Variants in DNAH8 observed in about 807,000 individuals in gnomAD.
The protein encoded by DNAH8 is axonemal beta dynein heavy chain 8.
In DNAH8, 382 loss-of-function variants were observed where a neutral mutation model predicts 562.1. That is an observed-to-expected ratio of 0.68 (90% CI 0.63 to 0.74). The LOEUF (loss-of-function observed/expected upper bound fraction) is 0.74. DNAH8 is among the 30% of genes least tolerant of loss of function. The pLI, the probability that DNAH8 is intolerant of heterozygous loss-of-function variation, is 0.00. For missense variants in DNAH8, 5,203 were observed against 5,620.4 expected (o/e 0.93, Z 2.37); for synonymous variants, 1,881 against 1,919.4 (o/e 0.98, Z 0.52).
rs113442210 is a variant in DNAH8, at chr6:38,767,010, G to T, written c.1618-3403G>T. Among the ~76,000 whole-genome samples the T allele has an allele frequency of 8.4e-4, 128 of 152,144 alleles. 1 individual carries two copies. The highest frequency in any genetic ancestry group is 2.9e-3 in the African/African-American group (122 of 41,522). The stretch of plus-strand genomic sequence containing the variant: ...AAAATTTTTAATTATGATAAAAATA[G>T]CATAAAATTTACTATTTTAACCATA... On this transcript the variant is annotated intron_variant, in intron 11 of 92. Transcript: ENST00000327475.
intron 42 of DNAH8, among the ~76,000 whole-genome samples, chr6:38,857,976 A>C (rs1244861979): frequency 6.6e-6 from 1 of 152,218 alleles, no homozygotes; most frequent in Non-Finnish European, 1.5e-5. Flanking sequence ...GAGCCAGCTA[A>C]TTGTTCCATT....
intron 76 of DNAH8, among the ~76,000 whole-genome samples, chr6:38,932,330 G>A (rs1012940609): frequency 3.3e-5 from 5 of 151,978 alleles, no homozygotes; most frequent in Admixed American, 2.0e-4. Flanking sequence ...GAGAGAAAAA[G>A]AAATTCCTCT....
rs1583364839 is a variant in DNAH8 at position 38,923,655 on chromosome 6, G to A, written c.10791-336G>A. 7 of 231,660 alleles carry A rather than the reference G, an allele frequency of 3.0e-5. No homozygotes were observed. The East Asian group carries it at 6.2e-4, about 20-fold the overall frequency. 14.4% of individuals were successfully genotyped at this position (231,660 alleles called of 1,614,324 possible). A position where few individuals can be genotyped will look rare whatever the true frequency, so the allele number is the denominator to read the frequency against. The stretch of plus-strand genomic sequence containing the variant: ...AAAAATAAAAAAATAAAAAGGGAGG[G>A]GAAAGAAAAAATGGTTTAACACAAG... On this transcript the variant is annotated intron_variant, in intron 72 of 92. Transcript: ENST00000327475.
chr6:38,782,289 T>C (rs1486989573), intron 16 of DNAH8, among the ~76,000 whole-genome samples: 1 of 151,654 alleles, frequency 6.6e-6, no homozygotes, highest in Non-Finnish European at 1.5e-5. Flanking sequence ...ATTTATTTAT[T>C]TATTTATTTA....
intron 88 of DNAH8, among the ~76,000 whole-genome samples, chr6:38,992,675 CT>C (rs761034979): frequency 1.4e-5 from 2 of 140,674 alleles, no homozygotes; most frequent in Non-Finnish European, 3.2e-5. Context: ...CCATTTCACC[CT>C]CACCCAGGGT....
chr6:38,856,588 G>A (rs749574009), intron 41 of DNAH8, among the ~76,000 whole-genome samples: 26 of 152,014 alleles, frequency 1.7e-4, no homozygotes, highest in Admixed American at 6.6e-4. Flanking sequence ...GACACTGCTT[G>A]TTTTCTCCAG....
intron 63 of DNAH8, 119 bp from the exon 64 acceptor site, chr6:38,907,837 G>T (rs1308958096): frequency 2.1e-5 from 19 of 887,304 alleles, no homozygotes; most frequent in Non-Finnish European, 3.0e-5. Context: ...CTGTGGAGAT[G>T]CTGAAAGAAA....
chr6:38,777,836 C>A (rs1017683746), intron 13 of DNAH8, among the ~76,000 whole-genome samples: 4 of 152,148 alleles, frequency 2.6e-5, no homozygotes, highest in Non-Finnish European at 5.9e-5. Context: ...TCTGCTGGCC[C>A]TGGTGTCTAT....
At position 38,884,010 on chromosome 6, in the gene DNAH8, A is replaced by T. The variant is rs188009638; in HGVS notation, c.8259+12A>T. 8.9e-4 allele frequency: 1,338 copies of T among 1,507,956 alleles called. 14 individuals are homozygous for T. In the African/African-American group the frequency reaches 0.017, roughly 19 times the overall value. The allele number at this position is 1,507,956 out of a possible 1,614,324, so 93.4% of individuals were successfully genotyped here. On this transcript the variant is annotated intron_variant, in intron 56 of 92. Coordinates refer to ENST00000327475, the MANE Select transcript of DNAH8 (RefSeq NM_001206927.2). ...AGTGGGGAGATCAGGTATGGCTGAA[A>T]TATCTCATATAGATGATCCTGAATT...
intron 68 of DNAH8, among the ~76,000 whole-genome samples, chr6:38,916,715 T>C (rs1304014913): frequency 6.6e-6 from 1 of 152,196 alleles, no homozygotes; most frequent in Non-Finnish European, 1.5e-5. Context: ...AGTCCTTGCC[T>C]TGATGGTCAG....
intron 17 of DNAH8, among the ~76,000 whole-genome samples, chr6:38,785,666 C>T (rs1447999364): frequency 6.6e-6 from 1 of 151,952 alleles, no homozygotes; most frequent in African/African-American, 2.4e-5. Flanking sequence ...TGGTGTGTGC[C>T]GTTCCCCTCC....
chr6:38,930,041 C>T (rs568691702), intron 75 of DNAH8, among the ~76,000 whole-genome samples: 1 of 152,232 alleles, frequency 6.6e-6, no homozygotes, highest in South Asian at 2.1e-4. Context: ...ATTGGTTTTG[C>T]AAGCCTTATA....
At chr6:38,790,459 A>G (rs1292412283) in intron 20 of DNAH8, 54 bp downstream of exon 20, 2 of 838,852 alleles carry the variant, frequency 2.4e-6, no homozygotes, top group Non-Finnish European at 3.9e-6. Context: ...GATATAAGTA[A>G]TAGTTTGATT....
intron 44 of DNAH8, among the ~76,000 whole-genome samples, chr6:38,863,064 A>G (rs1426937235): frequency 6.6e-6 from 1 of 151,732 alleles, no homozygotes; most frequent in African/African-American, 2.4e-5. Context: ...ACTTCTTGAA[A>G]CTCTAGATTC....
At chr6:38,858,330 A>G (rs1338310098) in intron 42 of DNAH8, among the ~76,000 whole-genome samples, 1 of 152,172 alleles carries the variant, frequency 6.6e-6, no homozygotes, top group Non-Finnish European at 1.5e-5. Flanking sequence ...TTGATTTGAT[A>G]CATTTTAAAG....
intron 70 of DNAH8, among the ~76,000 whole-genome samples, chr6:38,919,418 TA>T (rs950419688): frequency 1.3e-4 from 20 of 152,168 alleles, no homozygotes; most frequent in Non-Finnish European, 2.8e-4. Context: ...AGATTCTTAA[TA>T]TTTTTTTTTA....
chr6:38,950,186 C>CTG (rs1761766483), intron 81 of DNAH8, among the ~76,000 whole-genome samples: 1 of 88,362 alleles, frequency 1.1e-5, no homozygotes, highest in Non-Finnish European at 2.1e-5. Context: ...GTGTGTGTGT[C>CTG]TGCGTGTGTG....
At chr6:38,866,468 T>A (rs954974064) in intron 45 of DNAH8, 123 bp from the exon 46 acceptor site, 3 of 664,282 alleles carry the variant, frequency 4.5e-6, no homozygotes, top group Non-Finnish European at 7.6e-6. Flanking sequence ...AAAACAAGAG[T>A]ATTTTATGAA....
Position 39,030,113 on chromosome 6 carries a change from G to T in DNAH8, c.13845G>T (p.Val4615=), listed in dbSNP as rs986658707. 1.2e-6 allele frequency: 2 copies of T among 1,612,510 alleles called. No homozygotes were observed. The highest frequency in any genetic ancestry group is 1.7e-5 in the Admixed American group (1 of 59,950). The part of the protein sequence containing the change: ...EEITSPPGEG[V]YIYGLYMDGA... ...ATGCTTGACTCTTCCAGGAAGGTGT[G>T]TATATTTATGGGCTCTACATGGATG... Residue 4615 remains valine (V), a synonymous_variant, in exon 93 of 93, where the codon GTG becomes GTT. Coordinates refer to ENST00000327475, the MANE Select transcript of DNAH8 (RefSeq NM_001206927.2).
Sources: gnomAD v4.1 joint callset for allele counts (sites outside exome capture counted in the v4.1 genomes callset) on GRCh38, gnomAD v4.1.1 for gene constraint, MANE v1.5 for transcripts, NCBI Gene and HGNC (gene_info 2026-07-23, HGNC 2026-07-21) for gene names.